NALCN: variants seen among roughly 807,000 people sequenced by gnomAD.
NALCN encodes the protein sodium leak channel NALCN.
NALCN carries 111 observed loss-of-function variants against 225.3 expected under a neutral mutation model. The observed-to-expected ratio is 0.49, with a 90% CI of 0.42 to 0.58. The LOEUF is 0.58. Ranked by LOEUF, NALCN falls within the 20% of genes least tolerant of loss-of-function variation. NALCN has a pLI of 0.00. For synonymous variants in NALCN, 764 were observed against 769.0 expected, an observed-to-expected ratio of 0.99 and a Z score of 0.11; for missense variants, 1,378 against 2,202.4, an observed-to-expected ratio of 0.63 and a Z score of 7.49.
At chr13:101,316,771 G>A (rs888828815) in intron 7 of NALCN, among the ~76,000 whole-genome samples, 6 of 152,066 alleles carry the variant, frequency 3.9e-5, no homozygotes, top group African/African-American at 1.4e-4. Flanking sequence ...TCCAAAGGTT[G>A]GGACCAGGTG....
intron 7 of NALCN, among the ~76,000 whole-genome samples, chr13:101,338,133 T>C (rs1566591570): frequency 6.6e-6 from 1 of 152,238 alleles, no homozygotes; most frequent in African/African-American, 2.4e-5. Flanking sequence ...ATACAGTGTT[T>C]ATTATTTCCT....
chr13:101,374,871 T>G (rs2046643748), intron 6 of NALCN, among the ~76,000 whole-genome samples: 1 of 152,186 alleles, frequency 6.6e-6, no homozygotes, highest in South Asian at 2.1e-4. Flanking sequence ...TTTAGAACAT[T>G]ATATAATTAT....
intron 12 of NALCN, among the ~76,000 whole-genome samples, chr13:101,234,743 A>G (rs2041483081): frequency 6.6e-6 from 1 of 152,254 alleles, no homozygotes; most frequent in Non-Finnish European, 1.5e-5. Context: ...TAAATTAAAC[A>G]GAACCAATTA....
intron 17 of NALCN, among the ~76,000 whole-genome samples, chr13:101,137,144 A>G (rs1318402312): frequency 6.6e-6 from 1 of 152,142 alleles, no homozygotes; most frequent in Non-Finnish European, 1.5e-5. Context: ...TTTAAGCTAG[A>G]GAGAAGTGTA....
At chr13:101,224,401 T>C (rs2041058231) in intron 13 of NALCN, among the ~76,000 whole-genome samples, 1 of 152,166 alleles carries the variant, frequency 6.6e-6, no homozygotes, top group African/African-American at 2.4e-5. Context: ...ACTACCCAAA[T>C]AACTTTTTTC....
At position 101,143,487 on chromosome 13, in the gene NALCN, G is replaced by A. The variant is rs577833253; in HGVS notation, c.1977-266C>T. Among the ~76,000 whole-genome samples, 11 of 148,858 alleles carry A rather than the reference G, an allele frequency of 7.4e-5. No individual in the cohort carries two copies. In the South Asian group the frequency reaches 1.5e-3, roughly 20 times the overall value. ...TTTGAATCTTTTTTTTTTTTGAGAC[G>A]GAGTTTCACTCTTGTTGCCCAGGCT... On this transcript the variant is annotated intron_variant, in intron 16 of 43. Transcript: ENST00000251127.
rs41281142 is a variant in NALCN, at chr13:101,376,910, C to T, written c.515+7G>A. The T allele has an allele frequency of 0.011, 18,068 of 1,614,088 alleles. 130 individuals are homozygous for T. The highest frequency in any genetic ancestry group is 0.016 in the Middle Eastern group (95 of 6,062). On this transcript the variant is annotated splice_region_variant and intron_variant, in intron 5 of 43. Transcript: ENST00000251127. ...TTCCTCTTAACTTATTGTAAAGCAG[C>T]GCTCACTTTAAAATATTTGTAATTC...
intron 7 of NALCN, among the ~76,000 whole-genome samples, chr13:101,294,254 T>G (rs2043656221): frequency 6.6e-6 from 1 of 152,198 alleles, no homozygotes; most frequent in African/African-American, 2.4e-5. Context: ...AGTTGTAATG[T>G]TCCATGGCAG....
chr13:101,282,728 G>A (rs998530065), intron 10 of NALCN, among the ~76,000 whole-genome samples: 1 of 152,068 alleles, frequency 6.6e-6, no homozygotes. Flanking sequence ...TGCAACAATC[G>A]TTTTACACTG....
intron 37 of NALCN, 74 bp from the exon 38 acceptor site, chr13:101,068,901 A>G: frequency 6.9e-7 from 1 of 1,445,922 alleles, no homozygotes; most frequent in East Asian, 2.5e-5. Flanking sequence ...GACTATAGTT[A>G]ATGAATAGAT....
chr13:101,256,952 A>C (rs933595181), intron 11 of NALCN, among the ~76,000 whole-genome samples: 1 of 151,942 alleles, frequency 6.6e-6, no homozygotes, highest in African/African-American at 2.4e-5. Context: ...TTTAGTATAG[A>C]TGGGGTTTCA....
At chr13:101,273,979 T>A (rs545460999) in intron 10 of NALCN, among the ~76,000 whole-genome samples, 1 of 152,094 alleles carries the variant, frequency 6.6e-6, no homozygotes, top group African/African-American at 2.4e-5. Context: ...GATGCAAATT[T>A]ACATTACAGG....
At chr13:101,131,524 C>G (rs532147701) in intron 17 of NALCN, among the ~76,000 whole-genome samples, 1 of 152,108 alleles carries the variant, frequency 6.6e-6, no homozygotes, top group Non-Finnish European at 1.5e-5. Flanking sequence ...TCCTCCTCCC[C>G]CCACAAATTT....
chr13:101,308,619 G>T (rs1455102773), intron 7 of NALCN, among the ~76,000 whole-genome samples: 2 of 152,184 alleles, frequency 1.3e-5, no homozygotes, highest in Non-Finnish European at 2.9e-5. Flanking sequence ...TACATAGACT[G>T]AGACTCAAAG....
At chr13:101,079,823 G>A (rs2033506447) in intron 34 of NALCN, among the ~76,000 whole-genome samples, 1 of 152,204 alleles carries the variant, frequency 6.6e-6, no homozygotes, top group Non-Finnish European at 1.5e-5. Flanking sequence ...TGATGCTGAA[G>A]GTAACCACTG....
At chr13:101,405,858 C>A (rs1042463889) in intron 1 of NALCN, among the ~76,000 whole-genome samples, 15 of 152,248 alleles carry the variant, frequency 9.9e-5, no homozygotes, top group Admixed American at 1.3e-4. Flanking sequence ...CACACATATA[C>A]CCCATGAAAA....
intron 6 of NALCN, 91 bp from the exon 7 acceptor site, chr13:101,345,511 T>C: frequency 1.4e-6 from 2 of 1,451,866 alleles, no homozygotes; most frequent in South Asian, 1.3e-5. Flanking sequence ...TTAATATCTA[T>C]GTATCTGGCC....
intron 39 of NALCN, 65 bp from the exon 40 acceptor site, chr13:101,065,626 A>T (rs2032316324): frequency 1.3e-6 from 2 of 1,553,366 alleles, no homozygotes. Flanking sequence ...GGTTTCTCAA[A>T]AGAAAAAAAA....
In NALCN at chr13:101,144,804, C is replaced by T. The variant is rs1010342500; in HGVS notation, c.1932G>A (p.Val644=). ...AATCTGAAGGAAGCTTTGAGATTTT[C>T]ACCATTTGAGGTCTGTTTGGAAATT... ...FEKFPNRPQM[V]KISKLPSDFT... The change falls in exon 16 of 44, where the codon GTG becomes GTA. Residue 644 remains valine, a synonymous_variant. Transcript: ENST00000251127. 1.5e-5 allele frequency: 24 copies of T among 1,612,938 alleles called. No individual in the cohort carries two copies. The highest frequency in any genetic ancestry group is 1.9e-5 in the Non-Finnish European group (23 of 1,179,632).
Sources: gnomAD v4.1 joint callset for allele counts (sites outside exome capture counted in the v4.1 genomes callset) on GRCh38, gnomAD v4.1.1 for gene constraint, MANE v1.5 for transcripts, NCBI Gene and HGNC (gene_info 2026-07-23, HGNC 2026-07-21) for gene names.